The following ATG7 variants were observed in gnomAD, a reference collection of about 807,000 sequenced individuals.
ATG7 encodes ubiquitin-like modifier-activating enzyme ATG7.
ATG7 carries 70 observed loss-of-function variants against 82.4 expected under a neutral mutation model. That is an observed-to-expected ratio of 0.85 (90% CI 0.70 to 1.04). The LOEUF (loss-of-function observed/expected upper bound fraction) is 1.04, where lower values mean the gene tolerates loss of function less well. Among genes scored for constraint, ATG7 ranks in the 50% least tolerant of loss-of-function variants. ATG7 has a pLI of 0.00. For missense variants in ATG7, 792 were observed against 864.3 expected (o/e 0.92, Z 1.05); for synonymous variants, 287 against 313.0 (o/e 0.92, Z 0.88).
intron 20 of ATG7, among the ~76,000 whole-genome samples, chr3:11,440,326 T>TTTTC (rs1553667055): frequency 7.1e-6 from 1 of 140,998 alleles, no homozygotes; most frequent in Non-Finnish European, 1.5e-5. Flanking sequence ...CTTTACTCTT[T>TTTTC]TTTTTTTTTT....
chr3:11,482,768 A>G (rs1317420451), intron 20 of ATG7, among the ~76,000 whole-genome samples: 1 of 150,948 alleles, frequency 6.6e-6, no homozygotes, highest in Non-Finnish European at 1.5e-5. Context: ...AGTGCTTTTC[A>G]ACCCTTTTAT....
intron 18 of ATG7, 57 bp from the exon 19 acceptor site, chr3:11,379,915 T>C (rs572542893): frequency 1.3e-6 from 2 of 1,543,190 alleles, no homozygotes. Flanking sequence ...GACGTGCATT[T>C]CATAGATGTG....
intron 20 of ATG7, chr3:11,447,022 G>A (rs2084628709): frequency 6.6e-6 from 1 of 152,208 alleles, no homozygotes; most frequent in South Asian, 2.1e-4. Flanking sequence ...TGACACTTGG[G>A]TGGCACCTTG....
chr3:11,509,219 T>C (rs774085824), intron 20 of ATG7, among the ~76,000 whole-genome samples: 3 of 152,108 alleles, frequency 2.0e-5, no homozygotes, highest in Non-Finnish European at 2.9e-5. Flanking sequence ...CTTATAAACA[T>C]AGAGTTTGAA....
chr3:11,411,337 T>C (rs771972866), intron 19 of ATG7, among the ~76,000 whole-genome samples: 13 of 152,088 alleles, frequency 8.5e-5, no homozygotes, highest in Non-Finnish European at 1.5e-4. Context: ...TATTAATTTC[T>C]TATCAGGGCT....
At chr3:11,420,059 C>T (rs546113773) in intron 19 of ATG7, among the ~76,000 whole-genome samples, 1 of 152,256 alleles carries the variant, frequency 6.6e-6, no homozygotes, top group African/African-American at 2.4e-5. Context: ...GGTTCTTGTT[C>T]AAATTCTTTG....
chr3:11,538,808 G>A (rs931685906), intron 20 of ATG7, among the ~76,000 whole-genome samples: 3 of 148,870 alleles, frequency 2.0e-5, no homozygotes, highest in East Asian at 2.0e-4. Context: ...TGGGAAGGTC[G>A]AGGCTGCAGT....
intron 19 of ATG7, among the ~76,000 whole-genome samples, chr3:11,401,121 ACT>A (rs2079796237): frequency 6.6e-6 from 1 of 152,004 alleles, no homozygotes; most frequent in South Asian, 2.1e-4. Context: ...AGAAATAAAA[ACT>A]CTCAGACCCC....
chr3:11,574,785 A>ATGTATGTGTG, the ATG7 span, among the ~76,000 whole-genome samples: 12 of 121,780 alleles, frequency 9.9e-5, no homozygotes, highest in Admixed American at 4.2e-4. Context: ...TCAACTATAT[A>ATGTATGTGTG]TGTGTGTGTG....
chr3:11,324,015 A>G (rs964355415), intron 9 of ATG7, among the ~76,000 whole-genome samples: 5 of 152,242 alleles, frequency 3.3e-5, no homozygotes, highest in Non-Finnish European at 7.3e-5. Flanking sequence ...GTACTTTTTC[A>G]GCAAATTGCT....
chr3:11,534,292 G>C (rs1026797646), intron 20 of ATG7, among the ~76,000 whole-genome samples: 5 of 152,266 alleles, frequency 3.3e-5, no homozygotes, highest in Non-Finnish European at 7.3e-5. Flanking sequence ...TTCTGCGGCA[G>C]CAGGCAGATG....
At chr3:11,561,634 A>G (rs1008651518), downstream of ATG7, among the ~76,000 whole-genome samples, 3 of 152,076 alleles carry the variant, frequency 2.0e-5, no homozygotes, top group Non-Finnish European at 4.4e-5. Flanking sequence ...AGGCCTCCAG[A>G]TGGTGAGCGT....
At chr3:11,456,808 G>A (rs757429482) in intron 20 of ATG7, among the ~76,000 whole-genome samples, 14 of 151,920 alleles carry the variant, frequency 9.2e-5, no homozygotes, top group African/African-American at 2.7e-4. Flanking sequence ...ACATTTTTTC[G>A]CGTTCACACT....
chr3:11,552,635 C>G (rs968659042), intron 20 of ATG7, among the ~76,000 whole-genome samples: 1 of 152,214 alleles, frequency 6.6e-6, no homozygotes, highest in Non-Finnish European at 1.5e-5. Flanking sequence ...CCCAGAGATT[C>G]GCTCTGGAAA....
intron 20 of ATG7, among the ~76,000 whole-genome samples, chr3:11,444,143 G>A (rs1038697970): frequency 6.6e-6 from 1 of 152,088 alleles, no homozygotes; most frequent in Non-Finnish European, 1.5e-5. Flanking sequence ...TTTGCTGTGC[G>A]GCTAAAGTTC....
At position 11,282,329 on chromosome 3, in the gene ATG7, A is replaced by C. The variant is rs2152643794; in HGVS notation, c.-120A>C. 1 of 152,392 alleles carries C rather than the reference A, an allele frequency of 6.6e-6. No individual in the cohort carries two copies. 9.4% of individuals were successfully genotyped at this position (152,392 alleles called of 1,614,324 possible). A position where few individuals can be genotyped will look rare whatever the true frequency, so the allele number is the denominator to read the frequency against. Reference sequence around the variant, plus strand: ...AAATAAAAGAAAAACAGCTCCTGGAAGTAACCAATGAGAAGGACAGATAAG... The same window carrying C: ...AAATAAAAGAAAAACAGCTCCTGGACGTAACCAATGAGAAGGACAGATAAG... On this transcript the variant is annotated 5_prime_UTR_variant, in exon 3 of 21. Coordinates refer to ENST00000693202, the MANE Select transcript of ATG7 (RefSeq NM_001349232.2).
chr3:11,461,903 G>A (rs1361545978), intron 20 of ATG7, among the ~76,000 whole-genome samples: 1 of 151,884 alleles, frequency 6.6e-6, no homozygotes, highest in African/African-American at 2.4e-5. Context: ...GGTGGCGGGC[G>A]CCTGTAGTCC....
the ATG7 span, among the ~76,000 whole-genome samples, chr3:11,566,916 G>A: frequency 6.6e-6 from 1 of 152,194 alleles, no homozygotes; most frequent in African/African-American, 2.4e-5. Flanking sequence ...GCATATGGGT[G>A]ACCGTGTAAG....
intron 20 of ATG7, among the ~76,000 whole-genome samples, chr3:11,497,005 C>A (rs775721515): frequency 1.5e-4 from 23 of 151,922 alleles, no homozygotes; most frequent in Non-Finnish European, 2.1e-4. Flanking sequence ...GCGTGCACCA[C>A]CATGCCCAGC....
Sources: allele counts gnomAD v4.1 joint callset (sites outside exome capture counted in the v4.1 genomes callset), GRCh38; gene constraint gnomAD v4.1.1; transcripts MANE v1.5; gene names NCBI Gene and HGNC (gene_info 2026-07-23, HGNC 2026-07-21).